The following TIMP4 variants were observed in gnomAD, a reference collection of about 807,000 sequenced individuals.
TIMP4 encodes TIMP metallopeptidase inhibitor 4.
In TIMP4, 28 loss-of-function variants were observed where a neutral mutation model predicts 27.3. The observed-to-expected ratio is 1.03, with a 90% CI of 0.76 to 1.41. The LOEUF (loss-of-function observed/expected upper bound fraction) is 1.41, where lower values mean the gene tolerates loss of function less well. TIMP4 is among the 40% of genes most tolerant of loss of function. TIMP4 has a pLI of 0.00. For synonymous variants in TIMP4, 138 were observed against 115.5 expected (o/e 1.20, Z -1.25); for missense variants, 307 against 285.5 (o/e 1.08, Z -0.54).
chr3:12,156,665 A>G (rs138388844), intron 3 of TIMP4, among the ~76,000 whole-genome samples, 155 bp downstream of exon 3: 10 of 152,214 alleles, frequency 6.6e-5, no homozygotes, highest in African/African-American at 2.4e-4. Flanking sequence ...CTCCTAACCC[A>G]GAGGTTGTCT....
At position 12,153,506 on chromosome 3, in the gene TIMP4, T is replaced by G. The variant is rs747012061; in HGVS notation, c.*9A>C. Reference sequence around the variant, plus strand: ...ACTCTTGAAGGGATGTGATGGTCACTGGTCCCTACTAGGGCTGAACGATGT... The same window carrying G: ...ACTCTTGAAGGGATGTGATGGTCACGGGTCCCTACTAGGGCTGAACGATGT... On this transcript the variant is annotated 3_prime_UTR_variant, in exon 5 of 5. Coordinates refer to ENST00000287814, the MANE Select transcript of TIMP4 (RefSeq NM_003256.4). The G allele has an allele frequency of 6.2e-7, 1 of 1,612,876 alleles. No homozygotes were observed. Among genetic ancestry groups the G allele is most frequent in the East Asian group, 2.2e-5 (1 of 44,884 alleles).
chr3:12,157,402 C>T lies in TIMP4; in HGVS notation c.220G>A (p.Glu74Lys). 6.2e-7 allele frequency: 1 copy of T among 1,614,190 alleles called. No homozygotes were observed. Among genetic ancestry groups the T allele is most frequent in the Non-Finnish European group, 8.5e-7 (1 of 1,180,020 alleles). The change falls in exon 2 of 5, where the codon GAA becomes AAA. Residue 74 changes from glutamate (E) to lysine (K), a missense_variant. By Grantham distance (56) the Glu-to-Lys change is moderately conservative. Coordinates refer to ENST00000287814, the MANE Select transcript of TIMP4 (RefSeq NM_003256.4). ...PADTEKMLRY[E>K]IKQIKMFKGF... The stretch of plus-strand genomic sequence containing the variant: ...CCATGTACCTTTATCTGTTTGATTT[C>T]ATACCGGAGCATTTTTTCAGTGTCA...
chr3:12,154,415 AGATG>A lies in TIMP4; in HGVS notation c.385_388del (p.His129CysfsTer19), dbSNP rs1176935222. 1 of 1,614,198 alleles carries A rather than the reference AGATG, an allele frequency of 6.2e-7. No individual in the cohort carries two copies. On this transcript the variant is annotated frameshift_variant, in exon 4 of 5. Transcript: ENST00000287814. LOFTEE classifies it high-confidence loss of function. ...CTCCCAGGGCTCGATGTAGTTGCACAGATGGATGAAGACTTTTCCATCACTGAGG... is the reference window on the plus strand; with the variant it reads ...CTCCCAGGGCTCGATGTAGTTGCACAGATGAAGACTTTTCCATCACTGAGG...
At chr3:12,157,956 A>G (rs1005915942) in intron 1 of TIMP4, among the ~76,000 whole-genome samples, 6 of 152,174 alleles carry the variant, frequency 3.9e-5, no homozygotes, top group African/African-American at 1.4e-4. Context: ...TTGCCATTTG[A>G]GCATTAATAA....
chr3:12,157,511 T>C, intron 1 of TIMP4, 29 bp from the exon 2 acceptor site: 2 of 1,608,568 alleles, frequency 1.2e-6, no homozygotes, highest in Non-Finnish European at 1.7e-6. Context: ...GAGGGAACCT[T>C]CAGCAGCTGG....
intron 4 of TIMP4, among the ~76,000 whole-genome samples, chr3:12,154,121 C>T (rs924005332): frequency 9.2e-5 from 14 of 152,186 alleles, no homozygotes; most frequent in African/African-American, 2.4e-4. Flanking sequence ...ACAGTTATCT[C>T]AGTCTGCCTC....
In TIMP4 at chr3:12,158,811, G is replaced by A; in HGVS notation, c.30C>T (p.Ser10=). ...CCAGCAGCCGCAGCAACAGCACCCAGCTTGGCGCGGGCCGAGGGCTCCCAG... is the reference window on the plus strand; with the variant it reads ...CCAGCAGCCGCAGCAACAGCACCCAACTTGGCGCGGGCCGAGGGCTCCCAG... MPGSPRPAP[S]WVLLLRLLAL... is the part of the protein sequence containing the mutation. Residue 10 remains serine, a synonymous_variant, in exon 1 of 5, where the codon AGC becomes AGT. Transcript: ENST00000287814. 1 of 1,598,956 alleles carries A rather than the reference G, an allele frequency of 6.3e-7. No homozygotes were observed. The highest frequency in any genetic ancestry group is 1.1e-5 in the South Asian group (1 of 90,406).
rs553187605 is a variant in TIMP4, at chr3:12,155,839, C to T, written c.352+981G>A. Among the ~76,000 whole-genome samples the T allele has an allele frequency of 2.6e-5, 4 of 152,250 alleles. No homozygotes were observed. In the South Asian group the frequency reaches 8.3e-4, roughly 32 times the overall value. On this transcript the variant is annotated intron_variant, in intron 3 of 4. Transcript: ENST00000287814. ...AGGGCAGGTGCTTAGGAAGGAGGTG[C>T]GATAATAGAGTTTGAAAGGGCCTGG...
intron 3 of TIMP4, among the ~76,000 whole-genome samples, chr3:12,156,545 C>T (rs752860278): frequency 1.3e-4 from 20 of 152,298 alleles, no homozygotes; most frequent in African/African-American, 4.3e-4. Context: ...ATTTGAAAAA[C>T]GGAAGCAGCT....
intron 3 of TIMP4, 152 bp from the exon 4 acceptor site, chr3:12,154,603 A>G (rs1049210238): frequency 4.6e-5 from 35 of 763,780 alleles, no homozygotes; most frequent in Admixed American, 3.5e-4. Flanking sequence ...AATAAATAAA[A>G]CTACTATAAT....
Position 12,158,720 on chromosome 3 carries a change from T to C in TIMP4, c.121A>G (p.Ile41Val). The C allele has an allele frequency of 1.2e-6, 2 of 1,610,268 alleles. No individual in the cohort carries two copies. Among genetic ancestry groups the C allele is most frequent in the South Asian group, 1.1e-5 (1 of 91,058 alleles). ...SCAPAHPQQH[I>V]CHSALVIRAK... The stretch of plus-strand genomic sequence containing the variant: ...GACTCACCAAGTGCCGAGTGGCAGA[T>C]GTGCTGCTGAGGGTGCGCCGGGGCG... Residue 41 changes from isoleucine (I) to valine (V), a missense_variant, in exon 1 of 5, where the codon ATC becomes GTC. Transcript: ENST00000287814.
intron 2 of TIMP4, 47 bp from the exon 3 acceptor site, chr3:12,156,981 C>G (rs779900052): frequency 1.5e-6 from 2 of 1,379,042 alleles, no homozygotes; most frequent in Non-Finnish European, 2.1e-6. Context: ...AGTGAGTGTA[C>G]TGTATATATT....
At chr3:12,157,596 G>A (rs1301726290) in intron 1 of TIMP4, 114 bp from the exon 2 acceptor site, 14 of 994,276 alleles carry the variant, frequency 1.4e-5, no homozygotes, top group Non-Finnish European at 1.8e-5. Flanking sequence ...TGGTTTTGGT[G>A]TGGCTGGGTT....
At chr3:12,157,927 C>T (rs1382114750) in intron 1 of TIMP4, among the ~76,000 whole-genome samples, 1 of 152,230 alleles carries the variant, frequency 6.6e-6, no homozygotes, top group East Asian at 1.9e-4. Context: ...TCTGACCCTG[C>T]ACTGAGGTAT....
chr3:12,158,817 C>A lies in TIMP4; in HGVS notation c.24G>T (p.Ala8=). MPGSPRP[A]PSWVLLLRLL... Reference sequence around the variant, plus strand: ...GCCGCAGCAACAGCACCCAGCTTGGCGCGGGCCGAGGGCTCCCAGGCATGA... The same window carrying A: ...GCCGCAGCAACAGCACCCAGCTTGGAGCGGGCCGAGGGCTCCCAGGCATGA... Residue 8 remains alanine, a synonymous_variant, in exon 1 of 5, where the codon GCG becomes GCT. Coordinates refer to ENST00000287814, the MANE Select transcript of TIMP4 (RefSeq NM_003256.4). 1 of 1,596,098 alleles carries A rather than the reference C, an allele frequency of 6.3e-7. No individual in the cohort carries two copies. The highest frequency in any genetic ancestry group is 1.1e-5 in the South Asian group (1 of 89,924).
chr3:12,154,182 C>CTA (rs1697384353), intron 4 of TIMP4, 145 bp downstream of exon 4: 1 of 1,253,244 alleles, frequency 8.0e-7, no homozygotes, highest in African/African-American at 1.5e-5. Context: ...AGATCAGGGC[C>CTA]TATAGACTGT....
chr3:12,158,125 G>C (rs1686710355), intron 1 of TIMP4, among the ~76,000 whole-genome samples: 1 of 152,184 alleles, frequency 6.6e-6, no homozygotes, highest in Admixed American at 6.5e-5. Context: ...GGAGCGCTAA[G>C]ACGGTTAGAG....
chr3:12,158,790 C>G lies in TIMP4; in HGVS notation c.51G>C (p.Leu17=), dbSNP rs1431851111. Residue 17 remains leucine, a synonymous_variant, in exon 1 of 5, where the codon CTG becomes CTC. Transcript: ENST00000287814. Reference sequence around the variant, plus strand: ...GCCCCGGGGGCCGCAGCAACGCCAGCAGCCGCAGCAACAGCACCCAGCTTG... The same window carrying G: ...GCCCCGGGGGCCGCAGCAACGCCAGGAGCCGCAGCAACAGCACCCAGCTTG... The part of the protein sequence containing the change: ...PAPSWVLLLR[L]LALLRPPGLG... The G allele has an allele frequency of 1.6e-5, 25 of 1,603,212 alleles. No homozygotes were observed. The highest frequency in any genetic ancestry group is 2.0e-5 in the Non-Finnish European group (24 of 1,178,116).
At chr3:12,158,680 A>G (rs778955295) in intron 1 of TIMP4, 22 bp downstream of exon 1, 75 of 1,608,612 alleles carry the variant, frequency 4.7e-5, no homozygotes, top group Non-Finnish European at 6.2e-5. Context: ...CCTGCTGTGG[A>G]CCTCGCGGAC....
Sources: gnomAD v4.1 joint callset for allele counts (sites outside exome capture counted in the v4.1 genomes callset) on GRCh38, gnomAD v4.1.1 for gene constraint, MANE v1.5 for transcripts, NCBI Gene and HGNC (gene_info 2026-07-23, HGNC 2026-07-21) for gene names.